MIB1: variants seen among roughly 807,000 people sequenced by gnomAD.
The protein encoded by MIB1 is MIB E3 ubiquitin protein ligase 1, also known as E3 ubiquitin-protein ligase MIB1.
A neutral mutation model predicts 124.5 loss-of-function variants in MIB1; 278 were observed. The ratio of observed to expected loss-of-function variants is 2.23; its 90% CI spans 2.02 to 2.47. MIB1 has a LOEUF of 2.47. MIB1 is among the 30% of genes most tolerant of loss of function. MIB1 has a pLI of 0.00. For synonymous variants in MIB1, 446 were observed against 429.4 expected (o/e 1.04, Z -0.48); for missense variants, 957 against 1,254.4 (o/e 0.76, Z 3.58).
rs1332410988 is a variant in MIB1, at chr18:21,853,178, T to C, written c.2625T>C (p.Ala875=). 6.2e-7 allele frequency: 1 copy of C among 1,613,618 alleles called. No homozygotes were observed. The highest frequency in any genetic ancestry group is 1.3e-5 in the African/African-American group (1 of 74,936). Residue 875 remains alanine, a synonymous_variant, in exon 18 of 21, where the codon GCT becomes GCC. Coordinates refer to ENST00000261537, the MANE Select transcript of MIB1 (RefSeq NM_020774.4). ...TGGTATGCTCTGACAAGAAAGCAGC[T>C]GTTCTTTTTCAACCCTGTGGCCACA... ...ECVVCSDKKA[A]VLFQPCGHMC... is the part of the protein sequence containing the mutation.
At chr18:21,747,038 C>T (rs900972236) in intron 1 of MIB1, among the ~76,000 whole-genome samples, 2 of 152,000 alleles carry the variant, frequency 1.3e-5, no homozygotes, top group South Asian at 4.1e-4. Context: ...GACACAAAGC[C>T]GTAGGAAAAA....
intron 6 of MIB1, among the ~76,000 whole-genome samples, chr18:21,790,425 T>C (rs1450350841): frequency 6.6e-6 from 1 of 152,228 alleles, no homozygotes; most frequent in African/African-American, 2.4e-5. Flanking sequence ...AGCAGTTAAA[T>C]TGAATTAAGG....
chr18:21,736,400 G>A (rs1269296518), upstream of MIB1, among the ~76,000 whole-genome samples: 1 of 152,198 alleles, frequency 6.6e-6, no homozygotes, highest in East Asian at 1.9e-4. Context: ...AATTCACAGA[G>A]ATGGGGAGAA....
At chr18:21,721,126 G>T (rs1272824428) in intron 1 of MIB1, among the ~76,000 whole-genome samples, 5 of 102,650 alleles carry the variant, frequency 4.9e-5, no homozygotes, top group Non-Finnish European at 1.0e-4. Context: ...TCCTGTAAGA[G>T]ATTTTTTTGA....
At chr18:21,745,032 T>C (rs549097280) in intron 1 of MIB1, among the ~76,000 whole-genome samples, 2 of 152,338 alleles carry the variant, frequency 1.3e-5, no homozygotes, top group East Asian at 1.9e-4. Flanking sequence ...TGTATAAGAA[T>C]GTTCACAGCA....
At chr18:21,810,999 A>G (rs981376764) in intron 10 of MIB1, among the ~76,000 whole-genome samples, 3 of 152,142 alleles carry the variant, frequency 2.0e-5, no homozygotes, top group African/African-American at 7.2e-5. Context: ...AAGATATTAA[A>G]ATCCAAAATA....
intron 6 of MIB1, among the ~76,000 whole-genome samples, chr18:21,790,216 A>G (rs1389211380): frequency 2.0e-5 from 3 of 152,214 alleles, no homozygotes; most frequent in Non-Finnish European, 2.9e-5. Context: ...TGGAATTGTA[A>G]ACAAATGTAT....
At chr18:21,722,166 T>G (rs2040718505) in intron 1 of MIB1, among the ~76,000 whole-genome samples, 1 of 151,804 alleles carries the variant, frequency 6.6e-6, no homozygotes. Context: ...GCGATTTTCC[T>G]GCTTCAGCCT....
chr18:21,822,707 T>TC (rs1343364522), intron 12 of MIB1, among the ~76,000 whole-genome samples: 2 of 151,398 alleles, frequency 1.3e-5, no homozygotes, highest in East Asian at 1.9e-4. Flanking sequence ...AAGGTTGATT[T>TC]TTCCCCCCCT....
intron 1 of MIB1, among the ~76,000 whole-genome samples, chr18:21,756,660 C>T (rs973585718): frequency 2.0e-5 from 3 of 152,006 alleles, no homozygotes; most frequent in Non-Finnish European, 2.9e-5. Flanking sequence ...GATGGGGTTT[C>T]GCCATGTTGG....
intron 9 of MIB1, among the ~76,000 whole-genome samples, chr18:21,801,183 G>C (rs949855174): frequency 6.6e-6 from 1 of 151,994 alleles, no homozygotes; most frequent in Non-Finnish European, 1.5e-5. Flanking sequence ...TAACATACCA[G>C]TATACCTCTG....
intron 1 of MIB1, among the ~76,000 whole-genome samples, chr18:21,717,918 T>C (rs2040696846): frequency 6.6e-6 from 1 of 152,174 alleles, no homozygotes; most frequent in Non-Finnish European, 1.5e-5. Flanking sequence ...GGAGAAGTCA[T>C]TATACGAAAA....
intron 9 of MIB1, among the ~76,000 whole-genome samples, chr18:21,802,040 T>C (rs1405924462): frequency 6.6e-6 from 1 of 152,184 alleles, no homozygotes; most frequent in Non-Finnish European, 1.5e-5. Flanking sequence ...TATCTGAATT[T>C]TTTTTAACTT....
chr18:21,815,011 TTATATATATATATATATATATA>T lies in MIB1; in HGVS notation c.1480-580_1480-559del, dbSNP rs60363843. Among the ~76,000 whole-genome samples the T allele has an allele frequency of 1.6e-3, 86 of 52,654 alleles. 2 individuals are homozygous for T. Among genetic ancestry groups the T allele is most frequent in the East Asian group, 0.01 (13 of 1,262 alleles). The allele number at this position is 52,654 out of a possible 152,430, so 34.5% of individuals were successfully genotyped here. A position where few individuals can be genotyped will look rare whatever the true frequency, so the allele number is the denominator to read the frequency against. ...ATGCTGAAAGTTCAAGCTGTTGGTT[TTATATATATATATATATATATA>T]TATATATATATATATATATATATAA... On this transcript the variant is annotated intron_variant, in intron 10 of 20. Coordinates refer to ENST00000261537, the MANE Select transcript of MIB1 (RefSeq NM_020774.4).
chr18:21,756,174 C>G (rs983286218), intron 1 of MIB1, among the ~76,000 whole-genome samples: 1 of 152,160 alleles, frequency 6.6e-6, no homozygotes, highest in African/African-American at 2.4e-5. Flanking sequence ...GAGCTCCAGT[C>G]ATGTGTCAGG....
chr18:21,734,680 C>CACT (rs1176579281), intron 1 of MIB1, among the ~76,000 whole-genome samples: 1 of 151,954 alleles, frequency 6.6e-6, no homozygotes, highest in Non-Finnish European at 1.5e-5. Context: ...AAGCGCATGC[C>CACT]ACCACGCCTG....
At chr18:21,712,920 C>T (rs2040671847) in intron 1 of MIB1, among the ~76,000 whole-genome samples, 1 of 151,430 alleles carries the variant, frequency 6.6e-6, no homozygotes, top group African/African-American at 2.4e-5. Context: ...CTTTTTTTTG[C>T]CCACCAATGT....
chr18:21,782,393 G>C (rs1311530777), intron 6 of MIB1, among the ~76,000 whole-genome samples: 1 of 152,164 alleles, frequency 6.6e-6, no homozygotes, highest in East Asian at 1.9e-4. Flanking sequence ...AAAGTACTGG[G>C]ATTATAGGCA....
chr18:21,852,244 C>T (rs1249568420), intron 17 of MIB1, among the ~76,000 whole-genome samples: 4 of 152,156 alleles, frequency 2.6e-5, no homozygotes, highest in African/African-American at 9.7e-5. Context: ...TCTGCTTTTT[C>T]TATACTTACA....
Sources: allele counts gnomAD v4.1 joint callset (sites outside exome capture counted in the v4.1 genomes callset), GRCh38; gene constraint gnomAD v4.1.1; transcripts MANE v1.5; gene names NCBI Gene and HGNC (gene_info 2026-07-23, HGNC 2026-07-21).